Variants in DOCK5 observed in about 807,000 individuals in gnomAD.
DOCK5 encodes dedicator of cytokinesis 5, also known as dedicator of cytokinesis protein 5.
In DOCK5, 142 loss-of-function variants were observed where a neutral mutation model predicts 251.8. That is an observed-to-expected ratio of 0.56 (90% CI 0.49 to 0.65). The LOEUF (loss-of-function observed/expected upper bound fraction) is 0.65, where lower values mean the gene tolerates loss of function less well. DOCK5 is among the 30% of genes least tolerant of loss of function. The pLI is 0.00. For synonymous variants in DOCK5, 842 were observed against 835.5 expected (o/e 1.01, Z -0.13); for missense variants, 2,111 against 2,312.3 (o/e 0.91, Z 1.79).
At chr8:25,369,982 A>G (rs1800845253) in intron 34 of DOCK5, among the ~76,000 whole-genome samples, 3 of 152,222 alleles carry the variant, frequency 2.0e-5, no homozygotes, top group African/African-American at 4.8e-5. Flanking sequence ...CAAAGTAACA[A>G]TTTAAAGGAA....
intron 27 of DOCK5, among the ~76,000 whole-genome samples, chr8:25,352,117 G>C (rs1249565354): frequency 6.6e-6 from 1 of 151,812 alleles, no homozygotes; most frequent in Non-Finnish European, 1.5e-5. Context: ...GGAGGCTAAG[G>C]TGGGAGGATC....
intron 10 of DOCK5, among the ~76,000 whole-genome samples, chr8:25,302,870 T>C (rs955567290): frequency 3.3e-5 from 5 of 152,158 alleles, no homozygotes; most frequent in African/African-American, 1.2e-4. Context: ...AGTCAAATTC[T>C]CAGAGACAGT....
At chr8:25,345,191 A>G (rs1352543255) in intron 25 of DOCK5, among the ~76,000 whole-genome samples, 1 of 152,106 alleles carries the variant, frequency 6.6e-6, no homozygotes, top group Non-Finnish European at 1.5e-5. Context: ...TTGAAAAGCT[A>G]GAGAAATTGT....
In DOCK5 at chr8:25,334,664, A is replaced by T. The variant is rs537470845; in HGVS notation, c.2192+468A>T. Among the ~76,000 whole-genome samples the T allele has an allele frequency of 1.3e-4, 20 of 152,058 alleles. 2 individuals carry two copies. In the South Asian group the frequency reaches 4.1e-3, roughly 32 times the overall value. On this transcript the variant is annotated intron_variant, in intron 21 of 51. Coordinates refer to ENST00000276440, the MANE Select transcript of DOCK5 (RefSeq NM_024940.8). ...GAAGTCAAGGCTGCAGTGAGCTGTG[A>T]TCATGCCATTGCACTCCAGCCTAAG...
rs1291161904 is a variant in DOCK5, at chr8:25,321,034, C to T, written c.1597C>T (p.His533Tyr). Residue 533 changes from histidine to tyrosine, a missense_variant, in exon 16 of 52, where the codon CAC becomes TAC. Transcript: ENST00000276440. ...TRCHIRFTFR[H>Y]RSSQETRDKS... ...CTGTCATATAAGATTTACCTTCCGACACAGGTCATCTCAGGAAAGTAAGTA... is the reference window on the plus strand; with the variant it reads ...CTGTCATATAAGATTTACCTTCCGATACAGGTCATCTCAGGAAAGTAAGTA... 2 of 1,613,266 alleles carry T rather than the reference C, an allele frequency of 1.2e-6. No homozygotes were observed. The highest frequency in any genetic ancestry group is 1.7e-6 in the Non-Finnish European group (2 of 1,179,686).
chr8:25,320,802 T>C (rs370286355), intron 15 of DOCK5, among the ~76,000 whole-genome samples, 178 bp from the exon 16 acceptor site: 1 of 152,212 alleles, frequency 6.6e-6, no homozygotes, highest in African/African-American at 2.4e-5. Flanking sequence ...AGCAAGATGA[T>C]CTGAGATTCT....
intron 1 of DOCK5, among the ~76,000 whole-genome samples, chr8:25,232,548 G>A (rs1336570973): frequency 1.3e-5 from 2 of 152,186 alleles, no homozygotes; most frequent in African/African-American, 4.8e-5. Flanking sequence ...GGTGAGGGCA[G>A]TCAGGTTCTG....
chr8:25,372,902 T>G (rs1358130688), intron 35 of DOCK5, among the ~76,000 whole-genome samples, 184 bp downstream of exon 35: 1 of 152,182 alleles, frequency 6.6e-6, no homozygotes, highest in Non-Finnish European at 1.5e-5. Flanking sequence ...CCACAGACCC[T>G]GAGGATAAAT....
chr8:25,408,258 C>A, intron 49 of DOCK5, 104 bp downstream of exon 49: 1 of 1,292,334 alleles, frequency 7.7e-7, no homozygotes, highest in Non-Finnish European at 1.0e-6. Context: ...TGGGCTATGG[C>A]TTGTTTCAGG....
chr8:25,292,818 T>A (rs1180508902), intron 6 of DOCK5, among the ~76,000 whole-genome samples: 1 of 152,216 alleles, frequency 6.6e-6, no homozygotes, highest in East Asian at 1.9e-4. Flanking sequence ...ACTGTATCTA[T>A]TTTTATTCTA....
intron 47 of DOCK5, 49 bp downstream of exon 47, chr8:25,401,115 CT>C: frequency 1.9e-6 from 3 of 1,598,982 alleles, no homozygotes; most frequent in Non-Finnish European, 2.6e-6. Flanking sequence ...GCTCTGTGAC[CT>C]TTTATGACAC....
At chr8:25,241,458 A>G (rs1802942825) in intron 1 of DOCK5, among the ~76,000 whole-genome samples, 1 of 152,100 alleles carries the variant, frequency 6.6e-6, no homozygotes, top group South Asian at 2.1e-4. Context: ...AGCCTGGGCA[A>G]CAGAGCAAGA....
intron 1 of DOCK5, among the ~76,000 whole-genome samples, chr8:25,209,060 G>A (rs1286543902): frequency 6.6e-6 from 1 of 152,176 alleles, no homozygotes; most frequent in Non-Finnish European, 1.5e-5. Flanking sequence ...TTAGCAGCAG[G>A]GAAAGGAAAA....
intron 18 of DOCK5, among the ~76,000 whole-genome samples, chr8:25,331,795 TATATATAGAG>T (rs1455690524): frequency 6.3e-4 from 23 of 36,534 alleles, no homozygotes; most frequent in African/African-American, 1.4e-3. Flanking sequence ...TATATATATA[TATATATAGAG>T]AGAGAGAGAG....
chr8:25,409,932 T>A (rs1801590219), intron 50 of DOCK5, 167 bp from the exon 51 acceptor site: 1 of 589,414 alleles, frequency 1.7e-6, no homozygotes, highest in South Asian at 2.3e-5. Context: ...GTCACCTGTG[T>A]GATGTGGGGT....
intron 26 of DOCK5, among the ~76,000 whole-genome samples, 162 bp downstream of exon 26, chr8:25,345,773 T>A (rs1219110774): frequency 6.6e-6 from 1 of 152,116 alleles, no homozygotes; most frequent in Non-Finnish European, 1.5e-5. Flanking sequence ...GAGCCTCCAG[T>A]GCAAAGTCAG....
intron 13 of DOCK5, among the ~76,000 whole-genome samples, chr8:25,313,155 G>T (rs1397503173): frequency 6.6e-6 from 1 of 152,074 alleles, no homozygotes; most frequent in Non-Finnish European, 1.5e-5. Flanking sequence ...ATCACCACGT[G>T]AACTCGTTCC....
At chr8:25,278,997 T>C (rs1330998964) in intron 5 of DOCK5, among the ~76,000 whole-genome samples, 1 of 152,208 alleles carries the variant, frequency 6.6e-6, no homozygotes, top group African/African-American at 2.4e-5. Flanking sequence ...AACATTCCTA[T>C]AAAGTAGGTG....
At position 25,410,118 on chromosome 8, in the gene DOCK5, A is replaced by C. The variant is rs1185026197; in HGVS notation, c.5424A>C (p.Thr1808=). Residue 1808 remains threonine (T), a synonymous_variant, in exon 51 of 52, where the codon ACA becomes ACC. Transcript: ENST00000276440. ...TRTLSSPSLQ[T]DGIAATPVPP... ...TTCTAGGCTCCCCATCGTTGCAGAC[A>C]GATGGAATCGCGGCCACTCCTGTCC... 1.2e-6 allele frequency: 2 copies of C among 1,613,560 alleles called. No homozygotes were observed. The highest frequency in any genetic ancestry group is 1.7e-5 in the Admixed American group (1 of 59,926).
Sources: gnomAD v4.1 joint callset for allele counts (sites outside exome capture counted in the v4.1 genomes callset) on GRCh38, gnomAD v4.1.1 for gene constraint, MANE v1.5 for transcripts, NCBI Gene and HGNC (gene_info 2026-07-23, HGNC 2026-07-21) for gene names.